MYO1B: variants seen among roughly 807,000 people sequenced by gnomAD.
MYO1B encodes myosin IB.
A neutral mutation model predicts 159.7 loss-of-function variants in MYO1B; 72 were observed. That is an observed-to-expected ratio of 0.45 (90% CI 0.37 to 0.55). The LOEUF is 0.55. Among genes scored for constraint, MYO1B ranks in the 20% least tolerant of loss-of-function variants. The pLI is 0.00. For missense variants in MYO1B, 1,062 were observed against 1,364.8 expected (o/e 0.78, Z 3.50); for synonymous variants, 468 against 473.8 (o/e 0.99, Z 0.16).
chr2:191,408,494 A>G (rs1266153222), intron 25 of MYO1B, among the ~76,000 whole-genome samples: 1 of 152,146 alleles, frequency 6.6e-6, no homozygotes, highest in Non-Finnish European at 1.5e-5. Context: ...TACCCTGTGA[A>G]ACTGCCATGA....
Position 191,366,425 on chromosome 2 carries a change from T to A in MYO1B, c.1032+2149T>A, listed in dbSNP as rs547903601. Among the ~76,000 whole-genome samples, 5 of 152,234 alleles carry A rather than the reference T, an allele frequency of 3.3e-5. No individual in the cohort carries two copies. The South Asian group carries it at 1.0e-3, about 32-fold the overall frequency. On this transcript the variant is annotated intron_variant, in intron 11 of 30. Coordinates refer to ENST00000392318, the MANE Select transcript of MYO1B (RefSeq NM_001130158.3). ...TAATGTAGTACTCAGAGTATCTGGT[T>A]CTACTGATCTATTGCCTGGGAGGTT...
At chr2:191,418,124 C>G (rs1697690008) in intron 30 of MYO1B, among the ~76,000 whole-genome samples, 1 of 152,208 alleles carries the variant, frequency 6.6e-6, no homozygotes, top group African/African-American at 2.4e-5. Context: ...TAAAACAGTT[C>G]ATAGGACTCT....
chr2:191,400,418 C>A lies in MYO1B; in HGVS notation c.2332C>A (p.Arg778Ser). Reference protein sequence around the residue: ...KILRELKHQKRCKEAVTTIAA... With the variant: ...KILRELKHQKSCKEAVTTIAA... ...TCTGCGGGAACTGAAGCATCAAAAG[C>A]GCTGTAAGGAAGCAGTCACGACCAT... Residue 778 changes from arginine (R) to serine (S), a missense_variant, in exon 22 of 31, where the codon CGC becomes AGC. Around this residue, in one of 5 missense-constraint regions of MYO1B, gnomAD observed 609 missense variants for 744.4 expected, o/e 0.82. Coordinates refer to ENST00000392318, the MANE Select transcript of MYO1B (RefSeq NM_001130158.3). 1 of 1,614,044 alleles carries A rather than the reference C, an allele frequency of 6.2e-7. No individual in the cohort carries two copies. Among genetic ancestry groups the A allele is most frequent in the Non-Finnish European group, 8.5e-7 (1 of 1,180,022 alleles).
intron 3 of MYO1B, among the ~76,000 whole-genome samples, chr2:191,321,682 A>G (rs1690724098): frequency 6.6e-6 from 1 of 152,146 alleles, no homozygotes; most frequent in East Asian, 1.9e-4. Flanking sequence ...CTTTCCTTGC[A>G]TATGCGTTGG....
At chr2:191,378,649 C>T (rs1367474529) in intron 13 of MYO1B, among the ~76,000 whole-genome samples, 2 of 152,096 alleles carry the variant, frequency 1.3e-5, no homozygotes, top group Non-Finnish European at 2.9e-5. Context: ...TTAGCTTGGG[C>T]TCAGAGGCTT....
intron 2 of MYO1B, among the ~76,000 whole-genome samples, chr2:191,277,974 AG>A (rs1687846421): frequency 6.6e-6 from 1 of 152,238 alleles, no homozygotes; most frequent in Non-Finnish European, 1.5e-5. Flanking sequence ...CAGTGATACA[AG>A]TAGGATCAGT....
At chr2:191,287,729 G>A (rs1688463203) in intron 2 of MYO1B, among the ~76,000 whole-genome samples, 1 of 152,172 alleles carries the variant, frequency 6.6e-6, no homozygotes, top group African/African-American at 2.4e-5. Flanking sequence ...AGGTCAGAAT[G>A]ATGTGGGTTC....
intron 29 of MYO1B, among the ~76,000 whole-genome samples, chr2:191,415,750 G>A (rs1020756611): frequency 1.3e-5 from 2 of 152,084 alleles, no homozygotes; most frequent in East Asian, 1.9e-4. Context: ...GAAGAGTTGC[G>A]GGATAGGTCC....
At chr2:191,263,351 G>A in intron 1 of MYO1B, 1 of 984,868 alleles carries the variant, frequency 1.0e-6, no homozygotes, top group Non-Finnish European at 1.2e-6. Flanking sequence ...TAAAGTGCTA[G>A]TTAAATCAGT....
chr2:191,397,907 C>T (rs1394456548), intron 21 of MYO1B, among the ~76,000 whole-genome samples: 3 of 112,172 alleles, frequency 2.7e-5, no homozygotes, highest in African/African-American at 7.7e-5. Context: ...CGGGCAGAGG[C>T]GCCCCTCACC....
intron 25 of MYO1B, 108 bp downstream of exon 25, chr2:191,408,297 T>A (rs1297854965): frequency 1.4e-6 from 1 of 695,596 alleles, no homozygotes; most frequent in Non-Finnish European, 2.5e-6. Context: ...AGTGACTTTT[T>A]AAATAATAAT....
chr2:191,420,319 A>G (rs982916227), intron 30 of MYO1B, among the ~76,000 whole-genome samples: 11 of 152,266 alleles, frequency 7.2e-5, no homozygotes, highest in African/African-American at 2.7e-4. Flanking sequence ...CCTATAAAGT[A>G]TACCGTAATG....
At chr2:191,282,969 G>C (rs1688154509) in intron 2 of MYO1B, among the ~76,000 whole-genome samples, 1 of 152,244 alleles carries the variant, frequency 6.6e-6, no homozygotes, top group Admixed American at 6.5e-5. Context: ...GTGCCTTCCA[G>C]AGTGTAGCTT....
intron 11 of MYO1B, among the ~76,000 whole-genome samples, chr2:191,366,887 C>G (rs1694046905): frequency 6.6e-6 from 1 of 151,648 alleles, no homozygotes; most frequent in African/African-American, 2.4e-5. Flanking sequence ...TGCAGTTTGG[C>G]ACCTGTCCTC....
intron 4 of MYO1B, among the ~76,000 whole-genome samples, chr2:191,340,459 C>T (rs1464100225): frequency 6.6e-6 from 1 of 152,130 alleles, no homozygotes; most frequent in Non-Finnish European, 1.5e-5. Context: ...GGGACACGGA[C>T]TGATAGGGAA....
At chr2:191,334,444 C>G (rs1278801996) in intron 4 of MYO1B, among the ~76,000 whole-genome samples, 2 of 152,184 alleles carry the variant, frequency 1.3e-5, no homozygotes, top group Non-Finnish European at 2.9e-5. Context: ...AAAAAAATAA[C>G]TACCACCCTA....
chr2:191,419,392 G>A (rs969417790), intron 30 of MYO1B, among the ~76,000 whole-genome samples: 11 of 151,882 alleles, frequency 7.2e-5, no homozygotes, highest in Non-Finnish European at 1.2e-4. Flanking sequence ...CTAATTTTTT[G>A]TACTTTTAGT....
intron 1 of MYO1B, among the ~76,000 whole-genome samples, chr2:191,268,092 A>AT (rs1209948187): frequency 1.3e-5 from 2 of 152,320 alleles, no homozygotes; most frequent in Admixed American, 6.5e-5. Context: ...CAAACTCACA[A>AT]TTGTGAGGGA....
At chr2:191,343,834 T>C (rs1474266194) in intron 5 of MYO1B, among the ~76,000 whole-genome samples, 2 of 152,192 alleles carry the variant, frequency 1.3e-5, no homozygotes, top group Non-Finnish European at 2.9e-5. Flanking sequence ...ATGCTTTACT[T>C]TTTAGCTGGA....
Sources: allele counts gnomAD v4.1 joint callset (sites outside exome capture counted in the v4.1 genomes callset), GRCh38; gene constraint gnomAD v4.1.1; regional missense constraint gnomAD v4.1.1; transcripts MANE v1.5; gene names NCBI Gene and HGNC (gene_info 2026-07-23, HGNC 2026-07-21).